The following ACO2 variants were observed in gnomAD, a reference collection of about 807,000 sequenced individuals.
ACO2 encodes aconitase 2.
ACO2 carries 31 observed loss-of-function variants against 84.5 expected under a neutral mutation model. The observed-to-expected ratio is 0.37, with a 90% CI of 0.28 to 0.50. ACO2 has a LOEUF of 0.50. ACO2 is among the 20% of genes least tolerant of loss of function. The probability of loss-of-function intolerance (pLI) is 0.97; values close to 1 mark genes in which losing one functional copy is unlikely to be tolerated. For synonymous variants in ACO2, 414 were observed against 412.7 expected, an observed-to-expected ratio of 1.00 and a Z score of -0.04; for missense variants, 685 against 1,029.3, an observed-to-expected ratio of 0.67 and a Z score of 4.58.
At chr22:41,528,418 C>CT in intron 17 of ACO2, 61 bp from the exon 18 acceptor site, 7 of 1,586,184 alleles carry the variant, frequency 4.4e-6, no homozygotes, top group Non-Finnish European at 6.0e-6. Context: ...CCTGACCCCC[C>CT]TGCGGGGCCA....
rs752034900 is a variant in ACO2, at chr22:41,527,315, G to A, written c.1981G>A (p.Gly661Arg). ...ACATGGCATCAGGTGGGTGGTGATCGGAGACGAGAACTACGGCGAGGGCTC... is the reference window on the plus strand; with the variant it reads ...ACATGGCATCAGGTGGGTGGTGATCAGAGACGAGAACTACGGCGAGGGCTC... ...KKHGIRWVVIGDENYGEGSSR... is the reference protein window; with the variant it reads ...KKHGIRWVVIRDENYGEGSSR... Residue 661 changes from glycine to arginine, a missense_variant, in exon 16 of 18, where the codon GGA (glycine) becomes AGA (arginine). Physicochemically the swap from Gly to Arg is moderately radical, Grantham distance 125. Transcript: ENST00000216254. The A allele has an allele frequency of 1.9e-6, 3 of 1,614,142 alleles. No homozygotes were observed. Among genetic ancestry groups the A allele is most frequent in the Non-Finnish European group, 8.5e-7 (1 of 1,180,010 alleles).
Position 41,526,417 on chromosome 22 carries a change from G to A in ACO2, c.1917G>A (p.Glu639=). The change falls in exon 15 of 18, where the codon GAG becomes GAA. Residue 639 remains glutamate (E), a synonymous_variant. Transcript: ENST00000216254. The part of the protein sequence containing the change: ...ANSVRNAVTQ[E]FGPVPDTARY... ...CCGTGCGCAATGCCGTCACTCAGGA[G>A]TTTGGCCCCGTCCCTGACACTGCCC... is the stretch of plus-strand genomic sequence containing the variant. The A allele has an allele frequency of 6.2e-7, 1 of 1,613,692 alleles. No individual in the cohort carries two copies. Among genetic ancestry groups the A allele is most frequent in the South Asian group, 1.1e-5 (1 of 91,048 alleles).
chr22:41,503,252 A>C (rs893092908), intron 2 of ACO2, among the ~76,000 whole-genome samples: 4 of 152,012 alleles, frequency 2.6e-5, no homozygotes, highest in African/African-American at 9.7e-5. Flanking sequence ...AAGTCCAATA[A>C]ATTTTTTTCT....
intron 3 of ACO2, among the ~76,000 whole-genome samples, chr22:41,508,628 G>A (rs1309890971): frequency 6.6e-6 from 1 of 152,228 alleles, no homozygotes; most frequent in African/African-American, 2.4e-5. Flanking sequence ...TCTTCTGTGA[G>A]TTTTGCTTAA....
chr22:41,526,247 T>C lies in ACO2; in HGVS notation c.1762-15T>C. 1 of 1,609,404 alleles carries C rather than the reference T, an allele frequency of 6.2e-7. No homozygotes were observed. The highest frequency in any genetic ancestry group is 8.5e-7 in the Non-Finnish European group (1 of 1,177,992). On this transcript the variant is annotated splice_polypyrimidine_tract_variant and intron_variant, in intron 14 of 17. Transcript: ENST00000216254. ...GCCATGCCCTGACCTCTGTCCTCTC[T>C]ACTTACCACCCAAGGTCAAAGGGAA...
At chr22:41,500,895 G>C (rs1202982132) in intron 2 of ACO2, among the ~76,000 whole-genome samples, 1 of 152,014 alleles carries the variant, frequency 6.6e-6, no homozygotes. Flanking sequence ...GTGGAGATGG[G>C]GTTTCATCAT....
chr22:41,475,169 CTTTTTTTTTTT>C (rs1161178390), intron 1 of ACO2, among the ~76,000 whole-genome samples: 2 of 120,258 alleles, frequency 1.7e-5, no homozygotes, highest in Non-Finnish European at 3.5e-5. Context: ...TTGTTTTTTC[CTTTTTTTTTTT>C]TTTTTTTTTT....
At position 41,526,638 on chromosome 22, in the gene ACO2, G is replaced by C. The variant is rs1194274975; in HGVS notation, c.1953+185G>C. 10 of 580,728 alleles carry C rather than the reference G, an allele frequency of 1.7e-5. No homozygotes were observed. In the East Asian group the frequency reaches 3.0e-4, roughly 17 times the overall value. 36.0% of individuals were successfully genotyped at this position (580,728 alleles called of 1,614,324 possible). On this transcript the variant is annotated intron_variant, in intron 15 of 17. Transcript: ENST00000216254. ...GTGGCTGAGAAGGCATGAGGCCCAGGTCCGGTGGTACAGCCGGGTCCCTGC... is the reference window on the plus strand; with the variant it reads ...GTGGCTGAGAAGGCATGAGGCCCAGCTCCGGTGGTACAGCCGGGTCCCTGC...
chr22:41,526,175 G>T, intron 14 of ACO2, 87 bp from the exon 15 acceptor site: 3 of 1,271,642 alleles, frequency 2.4e-6, no homozygotes. Context: ...CCTGGGCCCC[G>T]GGGCCTGCTG....
rs973812564 is a variant in ACO2, at chr22:41,511,928, G to A, written c.485G>A (p.Gly162Asp). The A allele has an allele frequency of 1.9e-6, 3 of 1,611,552 alleles. No individual in the cohort carries two copies. The highest frequency in any genetic ancestry group is 2.5e-6 in the Non-Finnish European group (3 of 1,179,064). ...CTGGCAACTGCAGGTGCCAAATATG[G>A]CGTGGGCTTCTGGAAGCCTGGATCT... is the stretch of plus-strand genomic sequence containing the variant. The part of the protein sequence containing the change: ...NFLATAGAKY[G>D]VGFWKPGSGI... The change falls in exon 4 of 18, where the codon GGC (glycine) becomes GAC (aspartate). Residue 162 changes from glycine to aspartate, a missense_variant. Gly to Asp is a moderately conservative substitution (Grantham distance 94). Coordinates refer to ENST00000216254, the MANE Select transcript of ACO2 (RefSeq NM_001098.3).
At chr22:41,478,693 ATTTGT>A (rs1485417271) in intron 1 of ACO2, among the ~76,000 whole-genome samples, 2 of 151,052 alleles carry the variant, frequency 1.3e-5, no homozygotes, top group African/African-American at 4.9e-5. Flanking sequence ...TTCTGTGGGC[ATTTGT>A]GGGACTTACC....
intron 9 of ACO2, 94 bp from the exon 10 acceptor site, chr22:41,522,736 T>G (rs1367136044): frequency 7.0e-7 from 1 of 1,436,144 alleles, no homozygotes; most frequent in Non-Finnish European, 9.4e-7. Flanking sequence ...GATGGTGAAC[T>G]CTTTTGGCCA....
chr22:41,474,451 G>A (rs1353769104), intron 1 of ACO2, among the ~76,000 whole-genome samples: 4 of 149,980 alleles, frequency 2.7e-5, no homozygotes, highest in Non-Finnish European at 5.9e-5. Flanking sequence ...CTGCCACCAC[G>A]TCTGGCTAAT....
At chr22:41,517,311 T>G (rs2066483068) in intron 6 of ACO2, 2 of 532,628 alleles carry the variant, frequency 3.8e-6, no homozygotes, top group Non-Finnish European at 6.8e-6. Flanking sequence ...CACCCTGAGC[T>G]GGGGCCCTGA....
intron 2 of ACO2, among the ~76,000 whole-genome samples, chr22:41,502,021 A>G (rs1017476935): frequency 6.6e-6 from 1 of 151,994 alleles, no homozygotes; most frequent in African/African-American, 2.4e-5. Flanking sequence ...GCCCCCCACC[A>G]TTCTGCAGGT....
In ACO2 at chr22:41,528,542, T is replaced by A; in HGVS notation, c.2272T>A (p.Phe758Ile). The A allele has an allele frequency of 6.2e-7, 1 of 1,613,182 alleles. No individual in the cohort carries two copies. Among genetic ancestry groups the A allele is most frequent in the Non-Finnish European group, 8.5e-7 (1 of 1,180,028 alleles). ...GGAGACCATCCTCCTGAACCACACC[T>A]TCAACGAGACGCAGATTGAGTGGTT... is the stretch of plus-strand genomic sequence containing the variant. ...TQETILLNHT[F>I]NETQIEWFRA... The change falls in exon 18 of 18, where the codon TTC becomes ATC. Residue 758 changes from phenylalanine (F) to isoleucine (I), a missense_variant. This residue lies in a region of ACO2 where 174 missense variants were observed against 236.6 expected (regional missense o/e 0.74). Coordinates refer to ENST00000216254, the MANE Select transcript of ACO2 (RefSeq NM_001098.3).
In ACO2 at chr22:41,528,550, G is replaced by A. The variant is rs766133387; in HGVS notation, c.2280G>A (p.Glu760=). The A allele has an allele frequency of 1.9e-6, 3 of 1,613,112 alleles. No individual in the cohort carries two copies. Among genetic ancestry groups the A allele is most frequent in the Non-Finnish European group, 2.5e-6 (3 of 1,180,044 alleles). Reference sequence around the variant, plus strand: ...TCCTCCTGAACCACACCTTCAACGAGACGCAGATTGAGTGGTTCCGCGCTG... The same window carrying A: ...TCCTCCTGAACCACACCTTCAACGAAACGCAGATTGAGTGGTTCCGCGCTG... ...ETILLNHTFN[E]TQIEWFRAGS... Residue 760 remains glutamate (E), a synonymous_variant, in exon 18 of 18, where the codon GAG becomes GAA. Coordinates refer to ENST00000216254, the MANE Select transcript of ACO2 (RefSeq NM_001098.3).
chr22:41,528,153 T>C, intron 17 of ACO2, 131 bp downstream of exon 17: 1 of 1,403,416 alleles, frequency 7.1e-7, no homozygotes, highest in Non-Finnish European at 9.7e-7. Context: ...GTTCTCCAGG[T>C]GGCCCCACAG....
intron 1 of ACO2, among the ~76,000 whole-genome samples, chr22:41,471,834 A>G (rs1329159324): frequency 6.6e-6 from 1 of 152,212 alleles, no homozygotes. Flanking sequence ...GAGAGCAAAC[A>G]TAGTGTTATG....
Sources: allele counts gnomAD v4.1 joint callset (sites outside exome capture counted in the v4.1 genomes callset), GRCh38; gene constraint gnomAD v4.1.1; regional missense constraint gnomAD v4.1.1; transcripts MANE v1.5; gene names NCBI Gene and HGNC (gene_info 2026-07-23, HGNC 2026-07-21).